KDM1B: variants seen among roughly 807,000 people sequenced by gnomAD.
KDM1B encodes lysine demethylase 1B.
Under a neutral mutation model 107.4 loss-of-function variants are expected in KDM1B, and 63 were observed. That is an observed-to-expected ratio of 0.59 (90% CI 0.48 to 0.72). KDM1B has a LOEUF of 0.72. KDM1B is among the 30% of genes least tolerant of loss of function. The pLI, the probability that KDM1B is intolerant of heterozygous loss-of-function variation, is 0.00. For synonymous variants in KDM1B, 363 were observed against 363.9 expected, an observed-to-expected ratio of 1.00 and a Z score of 0.03; for missense variants, 749 against 1,020.8, an observed-to-expected ratio of 0.73 and a Z score of 3.63.
At chr6:18,196,010 G>A (rs1048283380) in intron 10 of KDM1B, among the ~76,000 whole-genome samples, 2 of 151,892 alleles carry the variant, frequency 1.3e-5, no homozygotes, top group African/African-American at 4.8e-5. Flanking sequence ...CTCAGCCCCG[G>A]TAATGCCCAT....
chr6:18,163,125 A>G (rs1403475237), intron 5 of KDM1B, among the ~76,000 whole-genome samples: 2 of 149,638 alleles, frequency 1.3e-5, no homozygotes, highest in Non-Finnish European at 3.0e-5. Context: ...ACACTCAGGG[A>G]TCAAAAAATA....
chr6:18,179,454 ATTAC>A (rs1343829841), intron 7 of KDM1B, among the ~76,000 whole-genome samples: 1 of 152,014 alleles, frequency 6.6e-6, no homozygotes. Flanking sequence ...TAGGTTTGAT[ATTAC>A]TTCTTTTTTT....
Position 18,162,938 on chromosome 6 carries a change from T to C in KDM1B, c.305+14T>C, listed in dbSNP as rs1427368295. On this transcript the variant is annotated intron_variant, in intron 5 of 21. Coordinates refer to ENST00000650836, the MANE Select transcript of KDM1B (RefSeq NM_001364614.2). The surrounding 1 kb of genome is among the most constrained non-coding windows in gnomAD (Gnocchi z 4.1). ...TTACTACAGAAGGTATGTTCACTAA[T>C]TGTGTGAGGTTTCCCTGGAGAAGGG... The C allele has an allele frequency of 9.9e-6, 15 of 1,517,194 alleles. No individual in the cohort carries two copies. Among genetic ancestry groups the C allele is most frequent in the Non-Finnish European group, 1.1e-5 (12 of 1,091,582 alleles). 94.0% of individuals were successfully genotyped at this position (1,517,194 alleles called of 1,614,324 possible).
rs1271059884 is a variant in KDM1B at position 18,186,933 on chromosome 6, C to T, written c.574-859C>T. Among the ~76,000 whole-genome samples, 2 of 150,540 alleles carry T rather than the reference C, an allele frequency of 1.3e-5. No homozygotes were observed. Among genetic ancestry groups the T allele is most frequent in the Non-Finnish European group, 3.0e-5 (2 of 67,736 alleles). ...TTCAAGATGAGATTTGAGTGGGGACCCAGCCAAACCATATCAGTATGTATA... is the reference window on the plus strand; with the variant it reads ...TTCAAGATGAGATTTGAGTGGGGACTCAGCCAAACCATATCAGTATGTATA... On this transcript the variant is annotated intron_variant, in intron 8 of 21. Coordinates refer to ENST00000650836, the MANE Select transcript of KDM1B (RefSeq NM_001364614.2). This position sits in a 1 kb window ranked among gnomAD's most constrained non-coding sequence, Gnocchi z 5.6.
intron 12 of KDM1B, among the ~76,000 whole-genome samples, chr6:18,198,377 G>C (rs1787793445): frequency 6.6e-6 from 1 of 151,466 alleles, no homozygotes; most frequent in African/African-American, 2.4e-5. Context: ...TTTTGAGACA[G>C]TGTTATGAGA....
At chr6:18,208,274 A>T (rs958845159) in intron 17 of KDM1B, 68 bp downstream of exon 17, 17 of 1,154,616 alleles carry the variant, frequency 1.5e-5, no homozygotes, top group Admixed American at 2.2e-5. Flanking sequence ...GGAAGGACAA[A>T]TCTTTCCTAT....
intron 16 of KDM1B, 84 bp downstream of exon 16, chr6:18,207,613 TG>T: frequency 6.5e-7 from 1 of 1,546,114 alleles, no homozygotes; most frequent in Non-Finnish European, 8.9e-7. Flanking sequence ...CGCAGGAGAA[TG>T]GGGCTGGCTT....
intron 5 of KDM1B, among the ~76,000 whole-genome samples, chr6:18,164,456 G>A (rs1221947639): frequency 6.6e-6 from 1 of 151,962 alleles, no homozygotes; most frequent in Admixed American, 6.6e-5. Context: ...GTATTTTTAA[G>A]CTCTGTTGTT....
chr6:18,173,777 A>G (rs959126140), intron 7 of KDM1B, among the ~76,000 whole-genome samples: 6 of 151,872 alleles, frequency 4.0e-5, no homozygotes, highest in African/African-American at 1.2e-4. Flanking sequence ...TCTTAGCACC[A>G]TTGCTTTATT....
chr6:18,176,439 C>G (rs1334435910), intron 7 of KDM1B, among the ~76,000 whole-genome samples: 2 of 152,026 alleles, frequency 1.3e-5, no homozygotes, highest in Admixed American at 6.6e-5. Context: ...ATTTGGATGC[C>G]CTTTATCTCT....
Position 18,209,746 on chromosome 6 carries a change from T to G in KDM1B, c.1866+1540T>G, listed in dbSNP as rs944601067. On this transcript the variant is annotated intron_variant, in intron 17 of 21. Transcript: ENST00000650836. This position sits in a 1 kb window ranked among gnomAD's most constrained non-coding sequence, Gnocchi z 4.3. ...TGAGCCTCCCTCGAGTAGCTGGGAT[T>G]ACAGGCATGCACCACCATGCCCGGC... Among the ~76,000 whole-genome samples the G allele has an allele frequency of 6.6e-6, 1 of 152,128 alleles. No homozygotes were observed. Among genetic ancestry groups the G allele is most frequent in the Non-Finnish European group, 1.5e-5 (1 of 68,030 alleles).
In KDM1B at chr6:18,212,661, T is replaced by C. The variant is rs1285698383; in HGVS notation, c.1983+57T>C. 9.1e-7 allele frequency: 1 copy of C among 1,102,502 alleles called. No individual in the cohort carries two copies. Among genetic ancestry groups the C allele is most frequent in the Non-Finnish European group, 1.4e-6 (1 of 713,952 alleles). The allele number at this position is 1,102,502 out of a possible 1,614,324, so 68.3% of individuals were successfully genotyped here. A position where few individuals can be genotyped will look rare whatever the true frequency, so the allele number is the denominator to read the frequency against. On this transcript the variant is annotated intron_variant, in intron 18 of 21. Transcript: ENST00000650836. This position sits in a 1 kb window ranked among gnomAD's most constrained non-coding sequence, Gnocchi z 5.2. ...AGAGATTAATGTCAGATGATAGATG[T>C]TAACTTCTGATATGGAGAAGTAGTG...
In KDM1B at chr6:18,201,757, A is replaced by C. The variant is rs1269269214; in HGVS notation, c.1531+100A>C. 2.0e-6 allele frequency: 2 copies of C among 996,148 alleles called. No homozygotes were observed. The highest frequency in any genetic ancestry group is 2.6e-5 in the East Asian group (1 of 38,018). 61.7% of individuals were successfully genotyped at this position (996,148 alleles called of 1,614,324 possible). On this transcript the variant is annotated intron_variant, in intron 14 of 21. Transcript: ENST00000650836. This position sits in a 1 kb window ranked among gnomAD's most constrained non-coding sequence, Gnocchi z 4.3. ...TTCATTTGCGAGGTCGGATGTCGGC[A>C]ACAGGGTAGCCCTCCTGAGCATTTC...
rs545152573 is a variant in KDM1B at position 18,217,439 on chromosome 6, C to T, written c.2233-294C>T. ...TGTTGCCCAGGCTGGAGTGCAGTGGCGCGATCTCGGCTCACTGCAAGCTCC... is the reference window on the plus strand; with the variant it reads ...TGTTGCCCAGGCTGGAGTGCAGTGGTGCGATCTCGGCTCACTGCAAGCTCC... On this transcript the variant is annotated intron_variant, in intron 20 of 21. Transcript: ENST00000650836. Among the ~76,000 whole-genome samples, 187 of 145,978 alleles carry T rather than the reference C, an allele frequency of 1.3e-3. 1 individual carries two copies. The highest frequency in any genetic ancestry group is 1.7e-3 in the South Asian group (8 of 4,620).
chr6:18,176,422 T>G (rs1347731497), intron 7 of KDM1B, among the ~76,000 whole-genome samples: 1 of 152,164 alleles, frequency 6.6e-6, no homozygotes, highest in Non-Finnish European at 1.5e-5. Flanking sequence ...TGACTTCCTC[T>G]TTACCGATTT....
At position 18,222,096 on chromosome 6, in the gene KDM1B, T is replaced by A; in HGVS notation, c.*104T>A. On this transcript the variant is annotated 3_prime_UTR_variant, in exon 22 of 22. Transcript: ENST00000650836. ...GGGGGAAAAAACCGTCTCTACATAG[T>A]AAAACTGAAATGTTTCTAAGGCGAT... The A allele has an allele frequency of 1.0e-6, 1 of 1,003,832 alleles. No individual in the cohort carries two copies. The highest frequency in any genetic ancestry group is 1.6e-6 in the Non-Finnish European group (1 of 627,564). The allele number at this position is 1,003,832 out of a possible 1,614,324, so 62.2% of individuals were successfully genotyped here. A position where few individuals can be genotyped will look rare whatever the true frequency, so the allele number is the denominator to read the frequency against.
At chr6:18,215,811 C>T (rs1029844415) in intron 20 of KDM1B, among the ~76,000 whole-genome samples, 3 of 151,302 alleles carry the variant, frequency 2.0e-5, no homozygotes, top group African/African-American at 7.3e-5. Context: ...TTACTGAAGC[C>T]CTAGAAGCTT....
intron 16 of KDM1B, 122 bp downstream of exon 16, chr6:18,207,651 C>G: frequency 8.6e-7 from 1 of 1,156,548 alleles, no homozygotes. Flanking sequence ...TCTAGAAGTA[C>G]TTTTGTGGCT....
chr6:18,218,681 T>G (rs1371410491), intron 21 of KDM1B, among the ~76,000 whole-genome samples: 3 of 152,078 alleles, frequency 2.0e-5, no homozygotes, highest in Non-Finnish European at 4.4e-5. Flanking sequence ...TTAGCTTAAT[T>G]CCTTTGGTAC....
Sources: gnomAD v4.1 joint callset for allele counts (sites outside exome capture counted in the v4.1 genomes callset) on GRCh38, gnomAD v4.1.1 for gene constraint, Gnocchi (gnomAD v3.1) non-coding constraint, MANE v1.5 for transcripts, NCBI Gene and HGNC (gene_info 2026-07-23, HGNC 2026-07-21) for gene names.